NRXN3: variants seen among roughly 807,000 people sequenced by gnomAD.
NRXN3 encodes the protein neurexin III.
NRXN3 carries 32 observed loss-of-function variants against 137.6 expected under a neutral mutation model. That is an observed-to-expected ratio of 0.23 (90% confidence interval 0.18 to 0.31). The LOEUF (loss-of-function observed/expected upper bound fraction) is 0.31. NRXN3 is among the 10% of genes least tolerant of loss of function. The probability of loss-of-function intolerance (pLI) is 1.00; values close to 1 mark genes in which losing one functional copy is unlikely to be tolerated. For missense variants in NRXN3, 1,574 were observed against 2,062.5 expected, an observed-to-expected ratio of 0.76 and a Z score of 4.59; for synonymous variants, 798 against 784.5, an observed-to-expected ratio of 1.02 and a Z score of -0.29.
chr14:79,798,452 C>T (rs1219310626), intron 19 of NRXN3, among the ~76,000 whole-genome samples: 2 of 152,112 alleles, frequency 1.3e-5, no homozygotes, highest in African/African-American at 2.4e-5. Context: ...TTCTTTTTAG[C>T]GTGGAGCAGC....
chr14:79,621,247 C>A (rs1419819550), intron 16 of NRXN3, among the ~76,000 whole-genome samples: 1 of 152,138 alleles, frequency 6.6e-6, no homozygotes, highest in Non-Finnish European at 1.5e-5. Context: ...ATAATAATTA[C>A]TAATCAGCAC....
chr14:79,031,076 T>C (rs1202556404), intron 15 of NRXN3, among the ~76,000 whole-genome samples: 2 of 152,162 alleles, frequency 1.3e-5, no homozygotes, highest in Admixed American at 1.3e-4. Context: ...CTGGATTAAG[T>C]TTCTATCAAG....
chr14:79,183,918 G>T (rs547988384), intron 15 of NRXN3, among the ~76,000 whole-genome samples: 5 of 152,300 alleles, frequency 3.3e-5, no homozygotes, highest in African/African-American at 1.2e-4. Context: ...ACCAGCAACA[G>T]GTCTGAGATC....
At position 78,360,837 on chromosome 14, in the gene NRXN3, T is replaced by C. The variant is rs571285025; in HGVS notation, c.757+62977T>C. ...TATTTTTGGCAGCTCTCCATGTAGT[T>C]AATTGCTCCTGATGCAGTTACTTGG... On this transcript the variant is annotated intron_variant, in intron 4 of 20. Coordinates refer to ENST00000335750, the MANE Select transcript of NRXN3 (RefSeq NM_001330195.2). Among the ~76,000 whole-genome samples, 20 of 152,348 alleles carry C rather than the reference T, an allele frequency of 1.3e-4. 1 individual carries two copies. In the South Asian group the frequency reaches 4.1e-3, roughly 32 times the overall value.
intron 15 of NRXN3, among the ~76,000 whole-genome samples, chr14:79,450,111 T>C (rs2096141271): frequency 6.8e-6 from 1 of 147,862 alleles, no homozygotes; most frequent in African/African-American, 2.5e-5. Context: ...ACATACTCAC[T>C]CCCTCTCTCT....
At chr14:79,393,797 C>G (rs999548190) in intron 15 of NRXN3, among the ~76,000 whole-genome samples, 1 of 152,238 alleles carries the variant, frequency 6.6e-6, no homozygotes, top group Non-Finnish European at 1.5e-5. Context: ...GCCTGGGTGA[C>G]AGGGCGAGAC....
At chr14:78,913,532 C>G (rs907189303) in intron 10 of NRXN3, among the ~76,000 whole-genome samples, 4 of 151,928 alleles carry the variant, frequency 2.6e-5, no homozygotes, top group African/African-American at 9.7e-5. Context: ...CCTGCCTCGG[C>G]CTCCCAAAGT....
chr14:78,268,074 T>C (rs1202050338), intron 2 of NRXN3, among the ~76,000 whole-genome samples: 1 of 152,202 alleles, frequency 6.6e-6, no homozygotes. Context: ...TCTCAAACTG[T>C]GTTCTGTGAG....
intron 15 of NRXN3, among the ~76,000 whole-genome samples, chr14:79,157,477 C>A (rs551324490): frequency 6.6e-6 from 1 of 151,856 alleles, no homozygotes; most frequent in Non-Finnish European, 1.5e-5. Context: ...GCTTTTAAAT[C>A]AGCATAAGCT....
intron 4 of NRXN3, among the ~76,000 whole-genome samples, chr14:78,309,678 T>A (rs2077747862): frequency 6.6e-6 from 1 of 152,162 alleles, no homozygotes; most frequent in Non-Finnish European, 1.5e-5. Flanking sequence ...AAAATGTACA[T>A]TTCAAAGTTA....
At chr14:78,373,499 GC>G (rs1331961770) in intron 4 of NRXN3, among the ~76,000 whole-genome samples, 1 of 152,202 alleles carries the variant, frequency 6.6e-6, no homozygotes, top group Non-Finnish European at 1.5e-5. Context: ...CAGGGGTAAA[GC>G]CATGTGGTTG....
intron 1 of NRXN3, among the ~76,000 whole-genome samples, chr14:78,224,673 CATT>C (rs2064278135): frequency 6.8e-6 from 1 of 146,062 alleles, no homozygotes; most frequent in African/African-American, 2.5e-5. Flanking sequence ...TCCAGTCTAT[CATT>C]ATTGGACATT....
intron 4 of NRXN3, among the ~76,000 whole-genome samples, chr14:78,361,206 C>G (rs2085061408): frequency 6.6e-6 from 1 of 152,168 alleles, no homozygotes; most frequent in African/African-American, 2.4e-5. Context: ...CCAGGTCCCA[C>G]CCCAGATCAA....
intron 10 of NRXN3, among the ~76,000 whole-genome samples, chr14:78,813,983 T>G (rs2098923358): frequency 6.6e-6 from 1 of 152,318 alleles, no homozygotes; most frequent in African/African-American, 2.4e-5. Context: ...TTAACTTCTC[T>G]TTTTTAATAC....
At chr14:79,094,975 A>AGTGTGTGTGTGTGTGT (rs71131675) in intron 15 of NRXN3, among the ~76,000 whole-genome samples, 1 of 88,720 alleles carries the variant, frequency 1.1e-5, no homozygotes, top group African/African-American at 3.4e-5. Context: ...AGAGAGAGAG[A>AGTGTGTGTGTGTGTGT]GAGAGTGTGT....
intron 10 of NRXN3, among the ~76,000 whole-genome samples, chr14:78,858,376 G>A (rs73321619): frequency 0.039 from 5,869 of 152,228 alleles, 214 homozygotes; most frequent in African/African-American, 0.093. Flanking sequence ...TGTGGGCCAG[G>A]AAGCAGGCAG....
chr14:78,475,295 C>T (rs973911355), intron 4 of NRXN3, among the ~76,000 whole-genome samples: 1 of 152,138 alleles, frequency 6.6e-6, no homozygotes, highest in African/African-American at 2.4e-5. Context: ...GCAACTCCCG[C>T]AGAGGTTAGC....
At chr14:78,462,795 CAT>C (rs1009425647) in intron 4 of NRXN3, among the ~76,000 whole-genome samples, 1 of 152,150 alleles carries the variant, frequency 6.6e-6, no homozygotes, top group Non-Finnish European at 1.5e-5. Flanking sequence ...TAATTTAAAA[CAT>C]ATCCTAGGGG....
intron 4 of NRXN3, among the ~76,000 whole-genome samples, chr14:78,643,222 G>T (rs1298461561): frequency 6.6e-6 from 1 of 152,158 alleles, no homozygotes; most frequent in East Asian, 1.9e-4. Flanking sequence ...ATTTACCTGG[G>T]GCTGTAATGG....
Sources: allele counts gnomAD v4.1 joint callset (sites outside exome capture counted in the v4.1 genomes callset), GRCh38; gene constraint gnomAD v4.1.1; transcripts MANE v1.5; gene names NCBI Gene and HGNC (gene_info 2026-07-23, HGNC 2026-07-21).